The following EPS15 variants were observed in gnomAD, a reference collection of about 807,000 sequenced individuals.
EPS15 encodes the protein epidermal growth factor receptor substrate 15.
A neutral mutation model predicts 113.8 loss-of-function variants in EPS15; 72 were observed. The ratio of observed to expected loss-of-function variants is 0.63; its 90% confidence interval spans 0.52 to 0.77. EPS15 has a LOEUF of 0.77. Among genes scored for constraint, EPS15 ranks in the 30% least tolerant of loss-of-function variants. The pLI is 0.00. For synonymous variants in EPS15, 344 were observed against 363.4 expected, an observed-to-expected ratio of 0.95 and a Z score of 0.61; for missense variants, 1,048 against 1,045.8, an observed-to-expected ratio of 1.00 and a Z score of -0.03.
chr1:51,410,840 A>C (rs1172592079), intron 13 of EPS15, among the ~76,000 whole-genome samples: 1 of 152,242 alleles, frequency 6.6e-6, no homozygotes, highest in Non-Finnish European at 1.5e-5. Context: ...GATAATAGCC[A>C]ACACTTTAAA....
At chr1:51,436,121 T>C (rs1300256879) in intron 12 of EPS15, among the ~76,000 whole-genome samples, 2 of 152,184 alleles carry the variant, frequency 1.3e-5, no homozygotes, top group Non-Finnish European at 2.9e-5. Context: ...TGTTCTCAAA[T>C]AGCTTTTTAG....
At chr1:51,424,450 T>C (rs1015792010) in intron 12 of EPS15, among the ~76,000 whole-genome samples, 3 of 152,214 alleles carry the variant, frequency 2.0e-5, no homozygotes, top group Non-Finnish European at 4.4e-5. Flanking sequence ...CTACAGTTGA[T>C]GGACACATAA....
chr1:51,430,096 A>G (rs1034116413), intron 12 of EPS15, among the ~76,000 whole-genome samples: 1 of 152,154 alleles, frequency 6.6e-6, no homozygotes, highest in African/African-American at 2.4e-5. Flanking sequence ...AGAGGCTCTT[A>G]TCGCTCAGAA....
At chr1:51,455,792 A>AG (rs1240016368) in intron 8 of EPS15, among the ~76,000 whole-genome samples, 1 of 152,130 alleles carries the variant, frequency 6.6e-6, no homozygotes, top group Admixed American at 6.5e-5. Context: ...TCCAGATTTG[A>AG]GGGGGTAGAT....
intron 20 of EPS15, among the ~76,000 whole-genome samples, chr1:51,397,649 G>A (rs71651193): frequency 0.058 from 8,788 of 152,206 alleles, 344 homozygotes; most frequent in Middle Eastern, 0.088. Context: ...ATTCAGTCAC[G>A]AAGGTATCTG....
chr1:51,511,481 C>A (rs1392356836), intron 1 of EPS15, among the ~76,000 whole-genome samples: 2 of 152,068 alleles, frequency 1.3e-5, no homozygotes, highest in Non-Finnish European at 2.9e-5. Context: ...GACGACAGAG[C>A]GAGACTCTCT....
At chr1:51,418,664 A>C (rs1301395025) in intron 13 of EPS15, among the ~76,000 whole-genome samples, 1 of 152,162 alleles carries the variant, frequency 6.6e-6, no homozygotes, top group Non-Finnish European at 1.5e-5. Flanking sequence ...AGAGAAGATA[A>C]TAAAGAGATG....
At chr1:51,488,472 T>TAAAAAAAA (rs71063033) in intron 1 of EPS15, among the ~76,000 whole-genome samples, 5 of 85,310 alleles carry the variant, frequency 5.9e-5, no homozygotes, top group African/African-American at 1.4e-4. Context: ...TAAAGTTTTG[T>TAAAAAAAA]AAAAAAAAAA....
chr1:51,469,472 G>A (rs1033047843), intron 4 of EPS15, among the ~76,000 whole-genome samples: 5 of 152,142 alleles, frequency 3.3e-5, no homozygotes, highest in African/African-American at 1.2e-4. Context: ...ATAAATAAAT[G>A]CAAAGAAGCT....
At chr1:51,407,601 T>G (rs1649253440) in intron 15 of EPS15, among the ~76,000 whole-genome samples, 1 of 152,158 alleles carries the variant, frequency 6.6e-6, no homozygotes, top group Non-Finnish European at 1.5e-5. Context: ...CACTGCAAAT[T>G]TATCTACAGA....
In EPS15 at chr1:51,356,106, A is replaced by AT. The variant is rs1407463806; in HGVS notation, c.*593dup. The AT allele has an allele frequency of 9.7e-6, 2 of 206,144 alleles. No individual in the cohort carries two copies. The highest frequency in any genetic ancestry group is 2.0e-5 in the Non-Finnish European group (2 of 100,962). The allele number at this position is 206,144 out of a possible 1,614,324, so 12.8% of individuals were successfully genotyped here. ...TTAGGAAAAGATCGAATCTGAGGCTATAATGGTTCAACCTACAGCATCCCT... is the reference window on the plus strand; with the variant it reads ...TTAGGAAAAGATCGAATCTGAGGCTATTAATGGTTCAACCTACAGCATCCCT... On this transcript the variant is annotated 3_prime_UTR_variant, in exon 25 of 25. Coordinates refer to ENST00000371733, the MANE Select transcript of EPS15 (RefSeq NM_001981.3).
At chr1:51,371,571 A>G (rs1646653906) in intron 21 of EPS15, among the ~76,000 whole-genome samples, 1 of 152,208 alleles carries the variant, frequency 6.6e-6, no homozygotes, top group Non-Finnish European at 1.5e-5. Flanking sequence ...CAGAAAGAAA[A>G]TATTTTTGTA....
chr1:51,403,731 G>T (rs1459984008), intron 16 of EPS15, among the ~76,000 whole-genome samples, 199 bp from the exon 17 acceptor site: 1 of 152,120 alleles, frequency 6.6e-6, no homozygotes, highest in East Asian at 1.9e-4. Context: ...AAACCTTCAG[G>T]TCATCTTTAA....
intron 9 of EPS15, 146 bp downstream of exon 9, chr1:51,447,900 T>TAA: frequency 6.5e-6 from 8 of 1,235,830 alleles, no homozygotes; most frequent in Middle Eastern, 2.1e-4. Context: ...TGTACTTTGT[T>TAA]AAAAAAAAAT....
Position 51,421,811 on chromosome 1 carries a change from A to C in EPS15, c.1088T>G (p.Ile363Ser). 1.2e-6 allele frequency: 2 copies of C among 1,606,370 alleles called. No homozygotes were observed. Among genetic ancestry groups the C allele is most frequent in the Non-Finnish European group, 1.7e-6 (2 of 1,175,710 alleles). ...CTGAACCTCACTTGTCCTCTGTTTA[A>C]TAGTATCTTCCTTCTCCTTAAGGTC... ...EQDLKEKEDT[I>S]KQRTSEVQDL... Residue 363 changes from isoleucine to serine, a missense_variant, in exon 13 of 25, where the codon ATT (isoleucine) becomes AGT (serine). Coordinates refer to ENST00000371733, the MANE Select transcript of EPS15 (RefSeq NM_001981.3).
At chr1:51,408,417 GT>G in intron 14 of EPS15, 85 bp from the exon 15 acceptor site, 1 of 987,110 alleles carries the variant, frequency 1.0e-6, no homozygotes, top group Non-Finnish European at 1.6e-6. Context: ...ACATTTATTT[GT>G]TTAGTTTACT....
intron 21 of EPS15, among the ~76,000 whole-genome samples, chr1:51,392,019 C>G (rs1647425917): frequency 6.6e-6 from 1 of 151,988 alleles, no homozygotes; most frequent in Non-Finnish European, 1.5e-5. Context: ...GTATTTGAAG[C>G]CACAGATGAG....
intron 24 of EPS15, among the ~76,000 whole-genome samples, chr1:51,358,079 G>A (rs1460091594): frequency 6.6e-6 from 1 of 152,002 alleles, no homozygotes; most frequent in Non-Finnish European, 1.5e-5. Context: ...CTGTGGGTGT[G>A]GGCCAATTGC....
In EPS15 at chr1:51,508,270, G is replaced by GAGAGAA. The variant is rs1553139501; in HGVS notation, c.33+10928_33+10929insTTCTCT. 2.6e-4 allele frequency among the ~76,000 whole-genome samples: 31 copies of GAGAGAA among 119,196 alleles called. 2 individuals carry two copies. Among genetic ancestry groups the GAGAGAA allele is most frequent in the African/African-American group, 1.1e-3 (29 of 27,028 alleles). 78.2% of individuals were successfully genotyped at this position (119,196 alleles called of 152,430 possible). A position where few individuals can be genotyped will look rare whatever the true frequency, so the allele number is the denominator to read the frequency against. ...AGAAAGAGAGAGAGAGAGAGAGAGA[G>GAGAGAA]AGAAAGAGAGAAAGAGAGAAAGAGA... On this transcript the variant is annotated intron_variant, in intron 1 of 24. Coordinates refer to ENST00000371733, the MANE Select transcript of EPS15 (RefSeq NM_001981.3).
Sources: gnomAD v4.1 joint callset for allele counts (sites outside exome capture counted in the v4.1 genomes callset) on GRCh38, gnomAD v4.1.1 for gene constraint, MANE v1.5 for transcripts, NCBI Gene and HGNC (gene_info 2026-07-23, HGNC 2026-07-21) for gene names.